Variants in SIPA1L1 observed in about 807,000 individuals in gnomAD.
The protein encoded by SIPA1L1 is signal induced proliferation associated 1 like 1.
In SIPA1L1, 26 loss-of-function variants were observed where a neutral mutation model predicts 162.7. The observed-to-expected ratio is 0.16, with a 90% CI of 0.12 to 0.22. The LOEUF (loss-of-function observed/expected upper bound fraction) is 0.22. SIPA1L1 is among the 10% of genes least tolerant of loss of function. SIPA1L1 has a pLI of 1.00. For missense variants in SIPA1L1, 1,874 were observed against 2,241.0 expected (o/e 0.84, Z 3.31); for synonymous variants, 829 against 837.4 (o/e 0.99, Z 0.17).
intron 2 of SIPA1L1, among the ~76,000 whole-genome samples, chr14:71,488,183 T>C (rs1220047876): frequency 2.6e-5 from 4 of 152,204 alleles, no homozygotes; most frequent in African/African-American, 9.6e-5. Context: ...TACTGGCTAA[T>C]GAGAGAAGGC....
intron 4 of SIPA1L1, among the ~76,000 whole-genome samples, chr14:71,544,116 CAT>C (rs755822922): frequency 6.6e-4 from 100 of 150,424 alleles, no homozygotes; most frequent in African/African-American, 1.2e-3. Context: ...TGTATATACA[CAT>C]ATATGCACGT....
intron 2 of SIPA1L1, among the ~76,000 whole-genome samples, chr14:71,387,622 T>A (rs1389345028): frequency 6.6e-6 from 1 of 152,206 alleles, no homozygotes; most frequent in Non-Finnish European, 1.5e-5. Context: ...ATAAAAAGAC[T>A]TTATGAAAAG....
At chr14:71,706,292 AT>A (rs1477034765) in intron 16 of SIPA1L1, among the ~76,000 whole-genome samples, 10 of 152,166 alleles carry the variant, frequency 6.6e-5, no homozygotes, top group Non-Finnish European at 7.4e-5. Flanking sequence ...TAAATGATAG[AT>A]TATCCCAATT....
intron 4 of SIPA1L1, among the ~76,000 whole-genome samples, chr14:71,532,928 C>G (rs2053572192): frequency 6.6e-6 from 1 of 152,180 alleles, no homozygotes; most frequent in Non-Finnish European, 1.5e-5. Context: ...CCTTTTAGAC[C>G]TGTCTTGCCA....
intron 2 of SIPA1L1, among the ~76,000 whole-genome samples, chr14:71,335,535 G>A (rs1471045871): frequency 1.3e-5 from 2 of 152,144 alleles, no homozygotes; most frequent in African/African-American, 4.8e-5. Context: ...AGTAAGTATG[G>A]TAACCGTTGG....
rs1027897644 is a variant in SIPA1L1 at position 71,709,479 on chromosome 14, A to G, written c.4023A>G (p.Leu1341=). ...CAGGCAAGGAGAAAGTGGCACCCCT[A>G]TGGCACAGCTCCAGTGAAGTAATCT... ...SGPGKEKVAP[L]WHSSSEVISM... is the part of the protein sequence containing the mutation. The change falls in exon 17 of 24, where the codon CTA becomes CTG. Residue 1341 remains leucine (L), a synonymous_variant. Coordinates refer to ENST00000381232, the MANE Select transcript of SIPA1L1 (RefSeq NM_001386936.1). The G allele has an allele frequency of 1.9e-6, 3 of 1,614,212 alleles. No homozygotes were observed. The highest frequency in any genetic ancestry group is 1.1e-5 in the South Asian group (1 of 91,090).
rs140196846 is a variant in SIPA1L1 at position 71,693,015 on chromosome 14, G to T, written c.3375-5966G>T. Among the ~76,000 whole-genome samples, 61 of 152,282 alleles carry T rather than the reference G, an allele frequency of 4.0e-4. 1 individual carries two copies. The East Asian group carries it at 0.011, about 27-fold the overall frequency. ...GTAGGTCACAGCCCCACCTCTTAGA[G>T]TCTGTGAAGATTAATTAGGGTAATA... On this transcript the variant is annotated intron_variant, in intron 13 of 23. Coordinates refer to ENST00000381232, the MANE Select transcript of SIPA1L1 (RefSeq NM_001386936.1).
rs141246381 is a variant in SIPA1L1 at position 71,676,944 on chromosome 14, A to G, written c.3104+4322A>G. On this transcript the variant is annotated intron_variant, in intron 12 of 23. Transcript: ENST00000381232. The stretch of plus-strand genomic sequence containing the variant: ...AGTGCCGCAATAAACATATGTGTGC[A>G]TGTGTCTTTATAGCAGCATGATTTA... Among the ~76,000 whole-genome samples the G allele has an allele frequency of 5.3e-4, 80 of 152,306 alleles. 1 individual carries two copies. In the East Asian group the frequency reaches 0.015, roughly 28 times the overall value.
At chr14:71,396,116 A>G (rs1049745895) in intron 2 of SIPA1L1, among the ~76,000 whole-genome samples, 8 of 151,940 alleles carry the variant, frequency 5.3e-5, no homozygotes, top group Non-Finnish European at 1.0e-4. Flanking sequence ...CATGGTCCAG[A>G]TCATTTAAAA....
At chr14:71,441,314 T>C (rs1190305123) in intron 2 of SIPA1L1, among the ~76,000 whole-genome samples, 5 of 152,194 alleles carry the variant, frequency 3.3e-5, no homozygotes, top group Non-Finnish European at 2.9e-5. Context: ...CTGGCCAAAA[T>C]ATTTAGATGG....
chr14:71,654,860 G>A (rs911714384), intron 8 of SIPA1L1, among the ~76,000 whole-genome samples: 1 of 151,554 alleles, frequency 6.6e-6, no homozygotes, highest in Non-Finnish European at 1.5e-5. Flanking sequence ...TTTCCTGATA[G>A]TCATTCTATT....
chr14:71,502,328 T>C (rs1205109326), intron 2 of SIPA1L1, among the ~76,000 whole-genome samples: 1 of 148,084 alleles, frequency 6.8e-6, no homozygotes, highest in Non-Finnish European at 1.5e-5. Flanking sequence ...AACCTCCGCC[T>C]CCAGGGTTTA....
rs532306373 is a variant in SIPA1L1, at chr14:71,370,516, A to G, written c.-465+49335A>G. Among the ~76,000 whole-genome samples, 42 of 152,248 alleles carry G rather than the reference A, an allele frequency of 2.8e-4. No homozygotes were observed. In the South Asian group the frequency reaches 7.5e-3, roughly 27 times the overall value. On this transcript the variant is annotated intron_variant, in intron 2 of 23. Transcript: ENST00000381232. ...ACAGGTGTGTGCATTGCTTAAGTGT[A>G]ACTCCTTTAGTGTGACTGCTGTATA... is the stretch of plus-strand genomic sequence containing the variant.
In SIPA1L1 at chr14:71,735,305, T is replaced by C; in HGVS notation, c.5037T>C (p.Ser1679=). The change falls in exon 22 of 24, where the codon AGT becomes AGC. Residue 1679 remains serine (S), a synonymous_variant. Transcript: ENST00000381232. ...EVQRASFFAA[S]DENHRPLSAA... ...AGAGAGCCTCATTTTTTGCTGCTAG[T>C]GATGAAAACCATCGCCCCTTGAGTG... The C allele has an allele frequency of 6.2e-7, 1 of 1,614,118 alleles. No individual in the cohort carries two copies. The highest frequency in any genetic ancestry group is 2.2e-5 in the East Asian group (1 of 44,878).
intron 3 of SIPA1L1, among the ~76,000 whole-genome samples, chr14:71,524,021 G>A (rs1863850251): frequency 6.6e-6 from 1 of 152,174 alleles, no homozygotes; most frequent in Non-Finnish European, 1.5e-5. Context: ...AGAAACCACC[G>A]TCTGGGTGCT....
Position 71,624,190 on chromosome 14 carries a change from A to C in SIPA1L1, c.1772A>C (p.Asn591Thr). Reference sequence around the variant, plus strand: ...GTCCAGTGCCTGCGGTTGGCCTTCAACACACCCAAGGTCACAGAGCAGCTC... The same window carrying C: ...GTCCAGTGCCTGCGGTTGGCCTTCACCACACCCAAGGTCACAGAGCAGCTC... The part of the protein sequence containing the change: ...LNVQCLRLAF[N>T]TPKVTEQLMK... The change falls in exon 7 of 24, where the codon AAC becomes ACC. Residue 591 changes from asparagine (N) to threonine (T), a missense_variant. Coordinates refer to ENST00000381232, the MANE Select transcript of SIPA1L1 (RefSeq NM_001386936.1). 6.2e-7 allele frequency: 1 copy of C among 1,614,154 alleles called. No individual in the cohort carries two copies. The highest frequency in any genetic ancestry group is 8.5e-7 in the Non-Finnish European group (1 of 1,179,982).
At chr14:71,663,159 TG>T (rs2043687019) in intron 10 of SIPA1L1, among the ~76,000 whole-genome samples, 1 of 152,240 alleles carries the variant, frequency 6.6e-6, no homozygotes, top group Non-Finnish European at 1.5e-5. Context: ...ATGAAATTAA[TG>T]TTGACACTGT....
intron 2 of SIPA1L1, among the ~76,000 whole-genome samples, chr14:71,354,547 G>A (rs1193922783): frequency 6.6e-6 from 1 of 150,770 alleles, no homozygotes; most frequent in Non-Finnish European, 1.5e-5. Flanking sequence ...AAAGTGCTGC[G>A]ATTATGGGCG....
intron 2 of SIPA1L1, among the ~76,000 whole-genome samples, chr14:71,446,403 T>C (rs2045345467): frequency 1.3e-5 from 2 of 152,188 alleles, no homozygotes; most frequent in African/African-American, 2.4e-5. Context: ...TTTTATCTTA[T>C]TTAAATAATT....
Sources: allele counts gnomAD v4.1 joint callset (sites outside exome capture counted in the v4.1 genomes callset), GRCh38; gene constraint gnomAD v4.1.1; transcripts MANE v1.5; gene names NCBI Gene and HGNC (gene_info 2026-07-23, HGNC 2026-07-21).